The following TACC1 variants were observed in gnomAD, a reference collection of about 807,000 sequenced individuals.
The protein encoded by TACC1 is transforming acidic coiled-coil-containing protein 1.
TACC1 carries 48 observed loss-of-function variants against 84.4 expected under a neutral mutation model. The ratio of observed to expected loss-of-function variants is 0.57; its 90% CI spans 0.45 to 0.72. The LOEUF is 0.72. Among genes scored for constraint, TACC1 ranks in the 30% least tolerant of loss-of-function variants. The probability of loss-of-function intolerance (pLI) is 0.00; values close to 1 mark genes in which losing one functional copy is unlikely to be tolerated. For missense variants in TACC1, 920 were observed against 973.0 expected (o/e 0.95, Z 0.72); for synonymous variants, 372 against 376.3 (o/e 0.99, Z 0.13).
Position 38,820,196 on chromosome 8 carries a change from C to T in TACC1, c.952C>T (p.Leu318Phe), listed in dbSNP as rs758658128. 6.2e-7 allele frequency: 1 copy of T among 1,614,040 alleles called. No homozygotes were observed. The highest frequency in any genetic ancestry group is 8.5e-7 in the Non-Finnish European group (1 of 1,179,974). Residue 318 changes from leucine (L) to phenylalanine (F), a missense_variant, in exon 3 of 13, where the codon CTC becomes TTC. Around this residue, in one of 2 missense-constraint regions of TACC1, gnomAD observed 762 missense variants for 747.3 expected, o/e 1.02. Transcript: ENST00000317827. ...GGGGGAGGAGTCGAGGAGCTCACCT[C>T]TCAAGCTTGAGTTTGATTTCACAGA... The part of the protein sequence containing the change: ...ELGEESRSSP[L>F]KLEFDFTEDT...
intron 5 of TACC1, among the ~76,000 whole-genome samples, chr8:38,830,183 G>C (rs1828929826): frequency 6.6e-6 from 1 of 152,226 alleles, no homozygotes; most frequent in South Asian, 2.1e-4. Flanking sequence ...GTTAGTGATT[G>C]CCATGTGGAG....
intron 3 of TACC1, among the ~76,000 whole-genome samples, chr8:38,761,378 G>A (rs948328269): frequency 2.0e-5 from 3 of 152,196 alleles, no homozygotes; most frequent in Admixed American, 6.5e-5. Context: ...CAGACCAATC[G>A]TTTGCATTTG....
upstream of TACC1, among the ~76,000 whole-genome samples, chr8:38,783,110 A>ATCTATCTATC (rs1563442592): frequency 8.5e-5 from 8 of 93,710 alleles, no homozygotes; most frequent in South Asian, 3.3e-4. Flanking sequence ...ATCTATCTAT[A>ATCTATCTATC]TATATATATA....
At chr8:38,841,981 T>A (rs1331705945) in intron 9 of TACC1, among the ~76,000 whole-genome samples, 1 of 152,142 alleles carries the variant, frequency 6.6e-6, no homozygotes, top group Non-Finnish European at 1.5e-5. Flanking sequence ...CTCTATGGAA[T>A]ATTCTCCCAG....
At chr8:38,804,798 T>C (rs562039210) in intron 2 of TACC1, among the ~76,000 whole-genome samples, 1 of 152,302 alleles carries the variant, frequency 6.6e-6, no homozygotes, top group Admixed American at 6.5e-5. Context: ...AATCAGGGTC[T>C]CCCTGTGTTG....
At chr8:38,754,160 G>A (rs1452849528) in intron 3 of TACC1, among the ~76,000 whole-genome samples, 1 of 151,822 alleles carries the variant, frequency 6.6e-6, no homozygotes, top group East Asian at 1.9e-4. Context: ...CGCCATGTTG[G>A]CCAGGCTGGT....
At chr8:38,772,972 T>G (rs914843231) in intron 3 of TACC1, among the ~76,000 whole-genome samples, 1 of 152,180 alleles carries the variant, frequency 6.6e-6, no homozygotes, top group Non-Finnish European at 1.5e-5. Context: ...TTAAGGTTTA[T>G]TGTTGTATTA....
intron 5 of TACC1, among the ~76,000 whole-genome samples, chr8:38,830,716 A>G (rs1487949871): frequency 6.6e-6 from 1 of 152,176 alleles, no homozygotes; most frequent in African/African-American, 2.4e-5. Context: ...CTGCTGCATT[A>G]ATTAGATCAA....
intron 3 of TACC1, among the ~76,000 whole-genome samples, chr8:38,754,901 G>A (rs985208120): frequency 1.3e-5 from 2 of 152,174 alleles, no homozygotes; most frequent in African/African-American, 4.8e-5. Flanking sequence ...AGTGGCTCAC[G>A]CCTGTAATCC....
At chr8:38,731,109 T>A (rs566011429) in intron 1 of TACC1, among the ~76,000 whole-genome samples, 3 of 152,178 alleles carry the variant, frequency 2.0e-5, no homozygotes, top group Non-Finnish European at 4.4e-5. Context: ...TTAAATTTTT[T>A]AATTTTTGTG....
chr8:38,837,768 G>T (rs1830504110), intron 7 of TACC1, among the ~76,000 whole-genome samples: 1 of 152,170 alleles, frequency 6.6e-6, no homozygotes, highest in Admixed American at 6.5e-5. Context: ...GAAGAGAGCG[G>T]CACGGCCAGG....
At chr8:38,733,782 G>A (rs1168860077) in intron 1 of TACC1, among the ~76,000 whole-genome samples, 1 of 152,022 alleles carries the variant, frequency 6.6e-6, no homozygotes, top group African/African-American at 2.4e-5. Flanking sequence ...CTCCAGGAAA[G>A]CCTCGAGGCT....
chr8:38,840,312 T>C lies in TACC1; in HGVS notation c.1960+45T>C, dbSNP rs375031208. 8.7e-5 allele frequency: 135 copies of C among 1,547,436 alleles called. No homozygotes were observed. In the African/African-American group the frequency reaches 1.7e-3, roughly 20 times the overall value. ...TTTTGAGGGTATGAGCCATAGGATC[T>C]GTCTTAGTCTGTTCAGCCTGGTATA... On this transcript the variant is annotated intron_variant, in intron 9 of 12. Coordinates refer to ENST00000317827, the MANE Select transcript of TACC1 (RefSeq NM_006283.3).
intron 3 of TACC1, among the ~76,000 whole-genome samples, chr8:38,821,274 G>C (rs961035833): frequency 6.6e-6 from 1 of 152,080 alleles, no homozygotes; most frequent in African/African-American, 2.4e-5. Context: ...TGGCTGGACT[G>C]TTAGGAGTCG....
intron 3 of TACC1, among the ~76,000 whole-genome samples, chr8:38,753,458 T>C (rs1809400037): frequency 6.6e-6 from 1 of 152,180 alleles, no homozygotes; most frequent in Non-Finnish European, 1.5e-5. Context: ...CCAGTGACAT[T>C]AATCAGAGGA....
intron 5 of TACC1, chr8:38,828,181 T>C (rs1230715209): frequency 6.6e-6 from 1 of 152,272 alleles, no homozygotes; most frequent in African/African-American, 2.4e-5. Flanking sequence ...TGCCTTACCA[T>C]GTACAGGCAT....
At chr8:38,843,470 G>A in intron 11 of TACC1, 75 bp downstream of exon 11, 2 of 1,031,272 alleles carry the variant, frequency 1.9e-6, no homozygotes, top group Non-Finnish European at 1.4e-6. Context: ...CAAAATCACT[G>A]TTTCGCAACT....
chr8:38,846,225 A>AGTGAGCC (rs1320354724), intron 11 of TACC1: 1 of 137,070 alleles, frequency 7.3e-6, no homozygotes, highest in Non-Finnish European at 1.5e-5. Context: ...CGGAGCTTGC[A>AGTGAGCC]GTGAGCCGAG....
rs150929782 is a variant in TACC1, at chr8:38,763,497, C to T, written c.26+18004C>T. 4.3e-3 allele frequency among the ~76,000 whole-genome samples: 659 copies of T among 152,182 alleles called. 3 individuals carry two copies. The highest frequency in any genetic ancestry group is 7.6e-3 in the Non-Finnish European group (518 of 68,008). ...ATAAACAAGACATCACTTTGGAGAT[C>T]TAAGGATTTTAGGAGTTGCATGCCA... On this transcript the variant is annotated intron_variant, in intron 3 of 14. Transcript: ENST00000518415.
Sources: allele counts gnomAD v4.1 joint callset (sites outside exome capture counted in the v4.1 genomes callset), GRCh38; gene constraint gnomAD v4.1.1; regional missense constraint gnomAD v4.1.1; transcripts MANE v1.5; gene names NCBI Gene and HGNC (gene_info 2026-07-23, HGNC 2026-07-21).